The following ATXN8OS variants were observed in gnomAD, a reference collection of about 807,000 sequenced individuals.
ATXN8OS encodes ATXN8 opposite strand lncRNA, also known as ATXN8 opposite strand (non-protein coding).
chr13:70,119,462 T>C (rs1299487261), intron 2 of ATXN8OS, among the ~76,000 whole-genome samples: 1 of 152,138 alleles, frequency 6.6e-6, no homozygotes, highest in East Asian at 1.9e-4. Flanking sequence ...CTGCTCTGGG[T>C]TGTGATCTCT....
In ATXN8OS at chr13:70,123,647, G is replaced by GA. The variant is rs200324304; in HGVS notation, n.399-6130dup. Among the ~76,000 whole-genome samples, 4 of 151,918 alleles carry GA rather than the reference G, an allele frequency of 2.6e-5. No homozygotes were observed. The East Asian group carries it at 7.7e-4, about 29-fold the overall frequency. On this transcript the variant is annotated intron_variant and non_coding_transcript_variant, in intron 2 of 4. Transcript: ENST00000678624. ...TCAAATGAGAACTATTTGGGTAAGG[G>GA]AAAAAAATCCCAAATATATTATGTT...
At chr13:70,164,731 T>A (rs941977530) in intron 4 of ATXN8OS, among the ~76,000 whole-genome samples, 2 of 152,042 alleles carry the variant, frequency 1.3e-5, no homozygotes, top group Admixed American at 1.3e-4. Flanking sequence ...GACATTATAA[T>A]GAAACACCAG....
At chr13:70,145,526 T>C (rs7358837) in intron 3 of ATXN8OS, among the ~76,000 whole-genome samples, 27,393 of 151,688 alleles carry the variant, frequency 0.18, 2,624 homozygotes, top group East Asian at 0.25. Flanking sequence ...TTTTATTTCA[T>C]TGAGCAGTGG....
chr13:70,126,323 C>T (rs573180908), intron 2 of ATXN8OS, among the ~76,000 whole-genome samples: 1 of 152,194 alleles, frequency 6.6e-6, no homozygotes, highest in East Asian at 1.9e-4. Flanking sequence ...CTCACTTTCT[C>T]ATGGTACAAA....
intron 2 of ATXN8OS, among the ~76,000 whole-genome samples, chr13:70,120,911 G>A (rs1284841375): frequency 4.7e-5 from 7 of 149,728 alleles, no homozygotes; most frequent in Admixed American, 2.7e-4. Flanking sequence ...TCACAAACCG[G>A]GGCCTGTTGT....
At chr13:70,139,346 T>C in intron 3 of ATXN8OS, 1 of 666,258 alleles carries the variant, frequency 1.5e-6, no homozygotes, top group East Asian at 2.8e-5. Flanking sequence ...TTAGAAAACC[T>C]GGCTTTACTA....
intron 2 of ATXN8OS, among the ~76,000 whole-genome samples, chr13:70,120,791 A>C (rs1019834351): frequency 1.3e-5 from 2 of 152,096 alleles, no homozygotes; most frequent in African/African-American, 4.8e-5. Context: ...TGAAGCTGGA[A>C]ACCATCATTC....
At chr13:70,119,752 CT>C (rs1888330915) in intron 2 of ATXN8OS, among the ~76,000 whole-genome samples, 1 of 152,024 alleles carries the variant, frequency 6.6e-6, no homozygotes, top group Non-Finnish European at 1.5e-5. Context: ...GAAGTCAAAA[CT>C]CAGTCAAACC....
At chr13:70,150,972 G>A (rs1361157382) in intron 4 of ATXN8OS, among the ~76,000 whole-genome samples, 1 of 152,064 alleles carries the variant, frequency 6.6e-6, no homozygotes, top group Non-Finnish European at 1.5e-5. Flanking sequence ...TTAAAAAACA[G>A]CTTTATCAAG....
At chr13:70,162,474 T>A (rs1889020900) in intron 4 of ATXN8OS, among the ~76,000 whole-genome samples, 1 of 152,056 alleles carries the variant, frequency 6.6e-6, no homozygotes, top group African/African-American at 2.4e-5. Flanking sequence ...CTGAGGCTCT[T>A]CTGTTTGTGC....
intron 2 of ATXN8OS, among the ~76,000 whole-genome samples, chr13:70,127,725 G>A (rs1888460995): frequency 7.2e-6 from 1 of 139,736 alleles, no homozygotes; most frequent in Non-Finnish European, 1.5e-5. Flanking sequence ...TGTAGTTAGA[G>A]AGTACAAACA....
chr13:70,163,340 G>A (rs1889033057), intron 4 of ATXN8OS, among the ~76,000 whole-genome samples: 1 of 151,970 alleles, frequency 6.6e-6, no homozygotes, highest in South Asian at 2.1e-4. Flanking sequence ...TGGCATCTAA[G>A]TCCAGGATCT....
intron 3 of ATXN8OS, among the ~76,000 whole-genome samples, chr13:70,142,151 TG>T (rs937443487): frequency 6.6e-6 from 1 of 152,198 alleles, no homozygotes; most frequent in Non-Finnish European, 1.5e-5. Flanking sequence ...CCCAAAGTGC[TG>T]GGATTACAGG....
intron 4 of ATXN8OS, among the ~76,000 whole-genome samples, chr13:70,162,570 G>T (rs1418465614): frequency 2.0e-5 from 3 of 151,814 alleles, no homozygotes; most frequent in Non-Finnish European, 4.4e-5. Flanking sequence ...GAGTAGATCT[G>T]CTGGGGCTGA....
At chr13:70,124,234 T>A (rs1782229824) in intron 2 of ATXN8OS, among the ~76,000 whole-genome samples, 1 of 152,092 alleles carries the variant, frequency 6.6e-6, no homozygotes, top group African/African-American at 2.4e-5. Flanking sequence ...ATTAAATAAT[T>A]AATAATGTCA....
chr13:70,143,474 C>A (rs941421884), intron 3 of ATXN8OS, among the ~76,000 whole-genome samples: 2 of 152,102 alleles, frequency 1.3e-5, no homozygotes, highest in Non-Finnish European at 2.9e-5. Flanking sequence ...TCTGTGCTCA[C>A]GTCAAATGAA....
intron 2 of ATXN8OS, among the ~76,000 whole-genome samples, chr13:70,126,607 TTA>T (rs3072615): frequency 1.9e-4 from 28 of 149,886 alleles, no homozygotes; most frequent in African/African-American, 5.6e-4. Context: ...TCTAGACATA[TTA>T]TATATATATA....
chr13:70,129,456 G>C (rs941761031), intron 2 of ATXN8OS, among the ~76,000 whole-genome samples: 1 of 151,154 alleles, frequency 6.6e-6, no homozygotes, highest in Non-Finnish European at 1.5e-5. Context: ...TTGGTCCTTG[G>C]ATACACTCAG....
intron 2 of ATXN8OS, among the ~76,000 whole-genome samples, chr13:70,115,875 T>C (rs1238479562): frequency 6.6e-6 from 1 of 152,148 alleles, no homozygotes; most frequent in East Asian, 1.9e-4. Context: ...CTCATTTGTA[T>C]TTCTAAAGTA....
Sources: allele counts gnomAD v4.1 joint callset (sites outside exome capture counted in the v4.1 genomes callset), GRCh38; gene constraint gnomAD v4.1.1; transcripts MANE v1.5; gene names NCBI Gene and HGNC (gene_info 2026-07-23, HGNC 2026-07-21).